RARB: variants seen among roughly 807,000 people sequenced by gnomAD.
RARB encodes the protein retinoic acid receptor beta, also known as HBV-activated protein.
Under a neutral mutation model 51.9 loss-of-function variants are expected in RARB, and 17 were observed. The observed-to-expected ratio is 0.33, with a 90% CI of 0.22 to 0.49. The LOEUF is 0.49. RARB is among the 20% of genes least tolerant of loss of function. The probability of loss-of-function intolerance (pLI) is 0.99; values close to 1 mark genes in which losing one functional copy is unlikely to be tolerated. For synonymous variants in RARB, 215 were observed against 195.4 expected, an observed-to-expected ratio of 1.10 and a Z score of -0.84; for missense variants, 369 against 550.8, an observed-to-expected ratio of 0.67 and a Z score of 3.30.
At chr3:24,967,808 T>TC (rs1442545626) in intron 2 of RARB, among the ~76,000 whole-genome samples, 1 of 152,138 alleles carries the variant, frequency 6.6e-6, no homozygotes, top group Non-Finnish European at 1.5e-5. Flanking sequence ...ATTGGATGAG[T>TC]AACTAATGGA....
chr3:25,243,975 C>T (rs1354132142), intron 5 of RARB, among the ~76,000 whole-genome samples: 1 of 152,150 alleles, frequency 6.6e-6, no homozygotes, highest in Non-Finnish European at 1.5e-5. Flanking sequence ...TTAATTACTG[C>T]CTCAATTTCA....
chr3:25,515,203 G>T (rs1176787963), intron 3 of RARB, among the ~76,000 whole-genome samples: 2 of 152,198 alleles, frequency 1.3e-5, no homozygotes, highest in African/African-American at 4.8e-5. Flanking sequence ...CTTAAAAATA[G>T]AATTGCATCC....
At chr3:24,968,482 T>C (rs930716547) in intron 2 of RARB, among the ~76,000 whole-genome samples, 1 of 152,162 alleles carries the variant, frequency 6.6e-6, no homozygotes, top group African/African-American at 2.4e-5. Flanking sequence ...ATTTAGCTTA[T>C]GATTCTGCTG....
intron 1 of RARB, among the ~76,000 whole-genome samples, chr3:25,458,636 A>G (rs1695027828): frequency 2.0e-5 from 3 of 152,276 alleles, no homozygotes; most frequent in Middle Eastern, 6.8e-3. Context: ...AGGGCTTCCT[A>G]TCTGCCAGAA....
At chr3:24,913,067 G>A (rs973644997) in intron 2 of RARB, among the ~76,000 whole-genome samples, 67 of 138,156 alleles carry the variant, frequency 4.8e-4, no homozygotes, top group African/African-American at 1.8e-3. Flanking sequence ...TGCAAGCTCC[G>A]CCTCCCAGGT....
At chr3:25,235,220 A>G (rs1187411337) in intron 5 of RARB, among the ~76,000 whole-genome samples, 1 of 152,128 alleles carries the variant, frequency 6.6e-6, no homozygotes, top group Non-Finnish European at 1.5e-5. Context: ...GAATCCTCAG[A>G]CAGTTGCTTT....
chr3:25,208,936 C>T (rs1701628177), intron 5 of RARB, among the ~76,000 whole-genome samples: 1 of 152,132 alleles, frequency 6.6e-6, no homozygotes, highest in Non-Finnish European at 1.5e-5. Flanking sequence ...TAAAGTGCTC[C>T]ACACGGAATA....
intron 2 of RARB, among the ~76,000 whole-genome samples, chr3:24,966,968 T>A (rs746060955): frequency 6.6e-6 from 1 of 152,166 alleles, no homozygotes. Flanking sequence ...AAGCTTTCTA[T>A]CATGGAAGTC....
intron 5 of RARB, among the ~76,000 whole-genome samples, chr3:25,247,524 G>C (rs1171660352): frequency 3.3e-5 from 5 of 152,194 alleles, no homozygotes; most frequent in Non-Finnish European, 7.3e-5. Flanking sequence ...GGGCCAAATA[G>C]CTCCATCCCT....
At chr3:25,396,377 G>T (rs145306357) in intron 5 of RARB, among the ~76,000 whole-genome samples, 3 of 152,340 alleles carry the variant, frequency 2.0e-5, no homozygotes, top group East Asian at 3.9e-4. Flanking sequence ...ACAGACTCAG[G>T]TTAGCCAGGA....
At chr3:25,300,978 C>T (rs1038277761) in intron 5 of RARB, among the ~76,000 whole-genome samples, 1 of 152,176 alleles carries the variant, frequency 6.6e-6, no homozygotes, top group Non-Finnish European at 1.5e-5. Flanking sequence ...GCCTGAGCTA[C>T]AAAGCGAGAC....
At chr3:25,473,521 C>T (rs935349672) in intron 2 of RARB, among the ~76,000 whole-genome samples, 2 of 151,974 alleles carry the variant, frequency 1.3e-5, no homozygotes, top group Non-Finnish European at 2.9e-5. Context: ...ATTCCTGGGG[C>T]ATTTTTGTTG....
intron 2 of RARB, among the ~76,000 whole-genome samples, chr3:24,975,840 T>C (rs1013792712): frequency 1.3e-5 from 2 of 152,172 alleles, no homozygotes; most frequent in Non-Finnish European, 1.5e-5. Flanking sequence ...TACATAGGTA[T>C]ATGTGTGCCA....
At chr3:25,513,115 T>TAAAAA (rs11420573) in intron 3 of RARB, among the ~76,000 whole-genome samples, 1 of 98,490 alleles carries the variant, frequency 1.0e-5, no homozygotes, top group African/African-American at 3.8e-5. Context: ...CTGTCTTTAC[T>TAAAAA]AAAAAAAAAA....
chr3:24,830,305 T>C (rs1197309261), intron 1 of RARB, among the ~76,000 whole-genome samples: 1 of 122,060 alleles, frequency 8.2e-6, no homozygotes, highest in Non-Finnish European at 1.6e-5. Context: ...TTGAAAAAGG[T>C]GTGCACGCCG....
At chr3:25,208,556 C>G (rs952313822) in intron 5 of RARB, among the ~76,000 whole-genome samples, 1 of 152,040 alleles carries the variant, frequency 6.6e-6, no homozygotes, top group African/African-American at 2.4e-5. Flanking sequence ...AATATCAGTG[C>G]CATTCTGTGT....
intron 5 of RARB, among the ~76,000 whole-genome samples, chr3:25,361,882 G>C (rs1559371804): frequency 6.6e-6 from 1 of 152,112 alleles, no homozygotes; most frequent in African/African-American, 2.4e-5. Flanking sequence ...CCAGCCATAT[G>C]CCAGCTGGAG....
chr3:24,888,583 T>TA lies in RARB; in HGVS notation c.-380+29840dup, dbSNP rs141236580. Among the ~76,000 whole-genome samples, 2,094 of 151,810 alleles carry TA rather than the reference T, an allele frequency of 0.014. 132 individuals carry two copies. The East Asian group carries it at 0.17, about 12-fold the overall frequency. Reference sequence around the variant, plus strand: ...GTGATATTTAACACCCAAGCTTTTTTAAAAAAAAATCTGTAAAACGACAGT... The same window carrying TA: ...GTGATATTTAACACCCAAGCTTTTTTAAAAAAAAAATCTGTAAAACGACAGT... On this transcript the variant is annotated intron_variant, in intron 2 of 11. Transcript: ENST00000383772.
chr3:25,556,437 A>G (rs949765364), intron 3 of RARB, among the ~76,000 whole-genome samples: 3 of 152,220 alleles, frequency 2.0e-5, no homozygotes, highest in African/African-American at 7.2e-5. Flanking sequence ...GGCATTCAGG[A>G]CAACCAAGGC....
Sources: allele counts gnomAD v4.1 joint callset (sites outside exome capture counted in the v4.1 genomes callset), GRCh38; gene constraint gnomAD v4.1.1; transcripts MANE v1.5; gene names NCBI Gene and HGNC (gene_info 2026-07-23, HGNC 2026-07-21).